CDKL2: variants seen among roughly 807,000 people sequenced by gnomAD.
CDKL2 encodes cyclin-dependent kinase-like 2.
CDKL2 carries 64 observed loss-of-function variants against 63.9 expected under a neutral mutation model. The ratio of observed to expected loss-of-function variants is 1.00; its 90% CI spans 0.82 to 1.23. CDKL2 has a LOEUF of 1.23. CDKL2 is among the 50% of genes most tolerant of loss of function. The probability of loss-of-function intolerance (pLI) is 0.00; values close to 1 mark genes in which losing one functional copy is unlikely to be tolerated. For synonymous variants in CDKL2, 211 were observed against 229.2 expected (o/e 0.92, Z 0.72); for missense variants, 656 against 668.0 (o/e 0.98, Z 0.20).
intron 3 of CDKL2, among the ~76,000 whole-genome samples, chr4:75,610,695 A>T (rs952988904): frequency 1.4e-4 from 21 of 152,182 alleles, no homozygotes; most frequent in Non-Finnish European, 2.2e-4. Context: ...TTAAAATCAT[A>T]TTTATATTTT....
rs1729460632 is a variant in CDKL2 at position 75,607,271 on chromosome 4, C to T, written c.454G>A (p.Ala152Thr). Residue 152 changes from alanine to threonine, a missense_variant, in exon 4 of 14, where the codon GCA (alanine) becomes ACA (threonine). By Grantham distance (58) the Ala-to-Thr change is moderately conservative. Transcript: ENST00000307465. ...TCAGTATAAACCTCCCCAGGAGCTG[C>T]CAATGTTCGCGCAAATCCAAAATCG... ...LCDFGFARTL[A>T]APGEVYTDYV... 1 of 1,614,058 alleles carries T rather than the reference C, an allele frequency of 6.2e-7. No individual in the cohort carries two copies. The highest frequency in any genetic ancestry group is 1.7e-5 in the Admixed American group (1 of 60,026).
chr4:75,591,816 T>C lies in CDKL2; in HGVS notation c.1647+3A>G, dbSNP rs1275661798. 7.2e-6 allele frequency: 11 copies of C among 1,523,880 alleles called. No individual in the cohort carries two copies. The highest frequency in any genetic ancestry group is 1.4e-5 in the African/African-American group (1 of 72,780). The allele number at this position is 1,523,880 out of a possible 1,614,324, so 94.4% of individuals were successfully genotyped here. A position where few individuals can be genotyped will look rare whatever the true frequency, so the allele number is the denominator to read the frequency against. ...GTCCATCCTATAAAGAGTATTTCTGTACCTGATGTAATGTAATACTGGGGG... is the reference window on the plus strand; with the variant it reads ...GTCCATCCTATAAAGAGTATTTCTGCACCTGATGTAATGTAATACTGGGGG... On this transcript the variant is annotated splice_donor_region_variant and intron_variant, in intron 12 of 13. Coordinates refer to ENST00000307465, the MANE Select transcript of CDKL2 (RefSeq NM_001330724.2).
At chr4:75,614,547 T>G (rs1022375296) in intron 2 of CDKL2, 98 bp from the exon 3 acceptor site, 10 of 730,764 alleles carry the variant, frequency 1.4e-5, no homozygotes, top group Non-Finnish European at 2.0e-5. Flanking sequence ...TTAAAATAGA[T>G]CTCAGCGTAA....
At chr4:75,604,083 C>T (rs1438560731) in intron 5 of CDKL2, 127 bp from the exon 6 acceptor site, 1 of 798,318 alleles carries the variant, frequency 1.3e-6, no homozygotes, top group South Asian at 1.9e-5. Context: ...TCTCAACATG[C>T]AAAATTGACC....
At chr4:75,618,714 G>T (rs1312538611) in intron 2 of CDKL2, among the ~76,000 whole-genome samples, 9 of 152,204 alleles carry the variant, frequency 5.9e-5, no homozygotes, top group Non-Finnish European at 1.2e-4. Context: ...AGTAACAAGT[G>T]TGGAAATGAG....
At chr4:75,604,034 G>C in intron 5 of CDKL2, 78 bp from the exon 6 acceptor site, 6 of 1,372,730 alleles carry the variant, frequency 4.4e-6, no homozygotes, top group South Asian at 1.4e-5. Context: ...GTGTGAAGTA[G>C]AGGAAATAGT....
intron 12 of CDKL2, among the ~76,000 whole-genome samples, chr4:75,583,835 G>A (rs1002443820): frequency 6.6e-6 from 1 of 151,850 alleles, no homozygotes; most frequent in Non-Finnish European, 1.5e-5. Flanking sequence ...AATATAAAAA[G>A]ATATTGCCGA....
Position 75,596,349 on chromosome 4 carries a change from AC to A in CDKL2, c.1323-10del. On this transcript the variant is annotated splice_polypyrimidine_tract_variant and intron_variant, in intron 9 of 13. Transcript: ENST00000307465. The stretch of plus-strand genomic sequence containing the variant: ...TAGTTTTCTCATCCACTCTGTAACG[AC>A]AAAAAAAAATGTTTTTAAGTTAGAA... 6.4e-7 allele frequency: 1 copy of A among 1,573,436 alleles called. No homozygotes were observed. Among genetic ancestry groups the A allele is most frequent in the South Asian group, 1.1e-5 (1 of 89,482 alleles).
At chr4:75,598,002 CA>C in intron 8 of CDKL2, 74 bp downstream of exon 8, 1 of 1,088,152 alleles carries the variant, frequency 9.2e-7, no homozygotes, top group South Asian at 1.8e-5. Context: ...AAACTTTTTT[CA>C]AAATCATATT....
At chr4:75,624,462 G>A (rs1490191958) in intron 2 of CDKL2, among the ~76,000 whole-genome samples, 1 of 150,620 alleles carries the variant, frequency 6.6e-6, no homozygotes, top group Non-Finnish European at 1.5e-5. Flanking sequence ...TGAGGTGTAG[G>A]ATTGCTTGAG....
chr4:75,592,748 T>C (rs1259094242), intron 10 of CDKL2, among the ~76,000 whole-genome samples: 1 of 152,258 alleles, frequency 6.6e-6, no homozygotes, highest in Non-Finnish European at 1.5e-5. Flanking sequence ...TTTCTATATA[T>C]GTCCTTGTCT....
At chr4:75,612,468 G>C (rs1179654572) in intron 3 of CDKL2, among the ~76,000 whole-genome samples, 1 of 152,232 alleles carries the variant, frequency 6.6e-6, no homozygotes, top group Non-Finnish European at 1.5e-5. Flanking sequence ...TAATGTGAGA[G>C]AGACAATGGT....
chr4:75,625,967 C>T lies in CDKL2; in HGVS notation c.22G>A (p.Gly8Ser), dbSNP rs566875643. The T allele has an allele frequency of 1.2e-6, 2 of 1,607,212 alleles. No homozygotes were observed. Among genetic ancestry groups the T allele is most frequent in the African/African-American group, 1.3e-5 (1 of 74,638 alleles). Residue 8 changes from glycine to serine, a missense_variant, in exon 2 of 14, where the codon GGT becomes AGT. Transcript: ENST00000307465. ...CCATAACTCCCTTCTCCAACCAAAC[C>T]CAGGTTTTCATATTTTTCCATTTTA... MEKYENL[G>S]LVGEGSYGMV...
intron 12 of CDKL2, among the ~76,000 whole-genome samples, chr4:75,591,003 A>C (rs887917041): frequency 3.3e-5 from 5 of 152,198 alleles, no homozygotes; most frequent in African/African-American, 4.8e-5. Context: ...TGTTGATATA[A>C]AGGTAATAGA....
chr4:75,587,816 A>G (rs1268108602), intron 12 of CDKL2, among the ~76,000 whole-genome samples: 1 of 150,256 alleles, frequency 6.7e-6, no homozygotes, highest in African/African-American at 2.4e-5. Context: ...AGGCAGGAGG[A>G]TGGCATGAAC....
At chr4:75,584,798 A>G (rs1728400915) in intron 12 of CDKL2, among the ~76,000 whole-genome samples, 1 of 152,240 alleles carries the variant, frequency 6.6e-6, no homozygotes, top group South Asian at 2.1e-4. Flanking sequence ...AGATTTCATC[A>G]GGCTATTCAA....
chr4:75,629,335 A>G (rs1479739702), intron 1 of CDKL2, among the ~76,000 whole-genome samples: 1 of 152,252 alleles, frequency 6.6e-6, no homozygotes, highest in African/African-American at 2.4e-5. Flanking sequence ...GCTAACATTA[A>G]TGCAAGTTGA....
rs931261853 is a variant in CDKL2, at chr4:75,589,813, T to C, written c.1647+2006A>G. Among the ~76,000 whole-genome samples, 5 of 143,236 alleles carry C rather than the reference T, an allele frequency of 3.5e-5. No individual in the cohort carries two copies. In the Admixed American group the frequency reaches 3.5e-4, roughly 10 times the overall value. The allele number at this position is 143,236 out of a possible 152,430, so 94.0% of individuals were successfully genotyped here. A position where few individuals can be genotyped will look rare whatever the true frequency, so the allele number is the denominator to read the frequency against. ...TAAACAGATAAATAGACTCCATCTC[T>C]AAAAAAAAAAAAAATTGTGTTAGCT... On this transcript the variant is annotated intron_variant, in intron 12 of 13. Transcript: ENST00000307465.
intron 1 of CDKL2, 97 bp from the exon 2 acceptor site, chr4:75,626,114 G>A: frequency 1.3e-6 from 1 of 760,332 alleles, no homozygotes; most frequent in African/African-American, 1.8e-5. Flanking sequence ...TTCCATATTA[G>A]TCACTGTGTT....
Sources: allele counts gnomAD v4.1 joint callset (sites outside exome capture counted in the v4.1 genomes callset), GRCh38; gene constraint gnomAD v4.1.1; transcripts MANE v1.5; gene names NCBI Gene and HGNC (gene_info 2026-07-23, HGNC 2026-07-21).